Variants in MORN5 observed in about 807,000 individuals in gnomAD.
MORN5 encodes the protein MORN repeat-containing protein 5.
A neutral mutation model predicts 22.1 loss-of-function variants in MORN5; 21 were observed. That is an observed-to-expected ratio of 0.95 (90% CI 0.67 to 1.37). MORN5 has a LOEUF of 1.37. Ranked by LOEUF, MORN5 falls within the 40% of genes most tolerant of loss-of-function variation. MORN5 has a pLI of 0.00. For missense variants in MORN5, 211 were observed against 215.1 expected (o/e 0.98, Z 0.12); for synonymous variants, 73 against 74.0 (o/e 0.99, Z 0.07).
rs751585952 is a variant in MORN5 at position 122,174,552 on chromosome 9, G to T, written c.364G>T (p.Asp122Tyr). The T allele has an allele frequency of 3.1e-6, 5 of 1,614,096 alleles. No homozygotes were observed. The South Asian group carries it at 3.3e-5, about 11-fold the overall frequency. Residue 122 changes from aspartate (D) to tyrosine (Y), a missense_variant, in exon 4 of 5, where the codon GAT becomes TAT. Physicochemically the swap from Asp to Tyr is radical, Grantham distance 160. Coordinates refer to ENST00000373764, the MANE Select transcript of MORN5 (RefSeq NM_198469.4). ...TAGAAAAATCCCCAAGGGCTATTAC[G>T]ATTGTGGAGACGGCTTCTATAACCC... ...PPRKIPKGYY[D>Y]CGDGFYNPVT...
intron 4 of MORN5, among the ~76,000 whole-genome samples, chr9:122,180,280 T>A (rs1380341146): frequency 8.1e-5 from 11 of 135,606 alleles, no homozygotes; most frequent in African/African-American, 2.7e-4. Flanking sequence ...TGACATTTTC[T>A]TCTTTTTTTT....
intron 4 of MORN5, among the ~76,000 whole-genome samples, chr9:122,186,250 A>G (rs12006327): frequency 0.047 from 7,130 of 152,260 alleles, 284 homozygotes; most frequent in African/African-American, 0.1. Flanking sequence ...TGGCAGATGC[A>G]GAAACTGAGG....
intron 4 of MORN5, among the ~76,000 whole-genome samples, chr9:122,186,392 A>G (rs1368620530): frequency 6.6e-6 from 1 of 152,186 alleles, no homozygotes; most frequent in Admixed American, 6.5e-5. Context: ...TTTCTGAACC[A>G]TGAACCTGTC....
rs77357667 is a variant in MORN5 at position 122,188,494 on chromosome 9, A to C, written c.440-11391A>C. Among the ~76,000 whole-genome samples, 618 of 152,350 alleles carry C rather than the reference A, an allele frequency of 4.1e-3. 4 individuals are homozygous for C. The highest frequency in any genetic ancestry group is 0.014 in the African/African-American group (573 of 41,584). On this transcript the variant is annotated intron_variant, in intron 4 of 4. Coordinates refer to ENST00000373764, the MANE Select transcript of MORN5 (RefSeq NM_198469.4). Reference sequence around the variant, plus strand: ...CTTAATTCAGCCTTCAACATTTGCCAACTGGACAACAGGCTCCCGCCTGCC... The same window carrying C: ...CTTAATTCAGCCTTCAACATTTGCCCACTGGACAACAGGCTCCCGCCTGCC...
intron 2 of MORN5, among the ~76,000 whole-genome samples, chr9:122,167,286 T>G (rs1221457289): frequency 1.3e-5 from 2 of 150,104 alleles, no homozygotes; most frequent in South Asian, 2.1e-4. Context: ...GACCTTGTGA[T>G]CCACCCGCCT....
Position 122,200,059 on chromosome 9 carries a change from C to A in MORN5, c.*128C>A. ...GTAGTTCTAGAACCTGATTTTAACT[C>A]AGGAATAAAGACTTTCTGCGGTCAG... On this transcript the variant is annotated 3_prime_UTR_variant, in exon 5 of 5. Coordinates refer to ENST00000373764, the MANE Select transcript of MORN5 (RefSeq NM_198469.4). 1.1e-6 allele frequency: 1 copy of A among 883,414 alleles called. No homozygotes were observed. Among genetic ancestry groups the A allele is most frequent in the Non-Finnish European group, 1.8e-6 (1 of 543,794 alleles). 54.7% of individuals were successfully genotyped at this position (883,414 alleles called of 1,614,324 possible).
intron 4 of MORN5, among the ~76,000 whole-genome samples, chr9:122,189,322 G>A (rs1203453347): frequency 6.6e-6 from 1 of 152,210 alleles, no homozygotes; most frequent in African/African-American, 2.4e-5. Flanking sequence ...ATGTGGGCCA[G>A]GCTTGGTGTG....
intron 4 of MORN5, among the ~76,000 whole-genome samples, chr9:122,185,514 C>T (rs1367910891): frequency 6.9e-6 from 1 of 144,158 alleles, no homozygotes; most frequent in African/African-American, 2.7e-5. Context: ...GCGTGAGCCA[C>T]TGCAACTGGC....
At chr9:122,169,832 GT>G in intron 3 of MORN5, 76 bp downstream of exon 3, 1 of 1,016,558 alleles carries the variant, frequency 9.8e-7, no homozygotes, top group Non-Finnish European at 1.6e-6. Context: ...AGTGGACTGT[GT>G]CCTACTAAAG....
chr9:122,175,123 C>T (rs1007980324), intron 4 of MORN5, among the ~76,000 whole-genome samples: 3 of 152,146 alleles, frequency 2.0e-5, no homozygotes, highest in Non-Finnish European at 2.9e-5. Flanking sequence ...AGAGGTGGGA[C>T]GGATGCTGTG....
chr9:122,189,526 T>A (rs1324148356), intron 4 of MORN5, among the ~76,000 whole-genome samples: 2 of 151,920 alleles, frequency 1.3e-5, no homozygotes, highest in African/African-American at 4.8e-5. Context: ...AACCCAGGAG[T>A]TCAGAGGCTG....
intron 2 of MORN5, among the ~76,000 whole-genome samples, chr9:122,168,859 A>G (rs1387018040): frequency 1.3e-5 from 2 of 152,174 alleles, no homozygotes; most frequent in African/African-American, 2.4e-5. Flanking sequence ...ATTGGCTCAC[A>G]AGATTATGGA....
At chr9:122,188,698 T>C (rs1429553747) in intron 4 of MORN5, among the ~76,000 whole-genome samples, 1 of 152,184 alleles carries the variant, frequency 6.6e-6, no homozygotes, top group East Asian at 1.9e-4. Context: ...TGAACATGGA[T>C]TCAATTATAA....
chr9:122,195,624 TC>T (rs1424936981), intron 4 of MORN5, among the ~76,000 whole-genome samples: 1 of 152,200 alleles, frequency 6.6e-6, no homozygotes, highest in Non-Finnish European at 1.5e-5. Flanking sequence ...TCCCATCCTA[TC>T]AAGGGTCCAG....
At chr9:122,170,326 G>A (rs1829348433) in intron 3 of MORN5, among the ~76,000 whole-genome samples, 1 of 151,818 alleles carries the variant, frequency 6.6e-6, no homozygotes, top group Non-Finnish European at 1.5e-5. Flanking sequence ...TCAAAATGGG[G>A]TCAATAGCAT....
At chr9:122,166,123 A>C (rs528766804) in intron 1 of MORN5, among the ~76,000 whole-genome samples, 2 of 152,038 alleles carry the variant, frequency 1.3e-5, no homozygotes, top group Non-Finnish European at 2.9e-5. Context: ...ATCTCATGAG[A>C]CTTATTCACT....
At position 122,160,026 on chromosome 9, in the gene MORN5, G is replaced by C; in HGVS notation, c.47+7G>C. 6.2e-7 allele frequency: 1 copy of C among 1,612,128 alleles called. No individual in the cohort carries two copies. The highest frequency in any genetic ancestry group is 1.1e-5 in the South Asian group (1 of 90,870). On this transcript the variant is annotated splice_region_variant and intron_variant, in intron 1 of 4. Transcript: ENST00000373764. ...GGGAATATGTAGATGGGAGGTAAGG[G>C]GCTCATTTGATTCACTTACTATACC...
chr9:122,181,141 C>T (rs1403845588), intron 4 of MORN5, among the ~76,000 whole-genome samples: 1 of 152,246 alleles, frequency 6.6e-6, no homozygotes, highest in Non-Finnish European at 1.5e-5. Context: ...AACCCAGTGG[C>T]TCTCAGGACA....
chr9:122,192,448 C>A (rs1056874834), intron 4 of MORN5, among the ~76,000 whole-genome samples: 3 of 152,228 alleles, frequency 2.0e-5, no homozygotes, highest in African/African-American at 4.8e-5. Context: ...AACCATCATG[C>A]CACACTGCCC....
Sources: allele counts gnomAD v4.1 joint callset (sites outside exome capture counted in the v4.1 genomes callset), GRCh38; gene constraint gnomAD v4.1.1; transcripts MANE v1.5; gene names NCBI Gene and HGNC (gene_info 2026-07-23, HGNC 2026-07-21).